Variants in CSNK1D observed in about 807,000 individuals in gnomAD.
The protein encoded by CSNK1D is casein kinase 1 delta.
Under a neutral mutation model 46.6 loss-of-function variants are expected in CSNK1D, and 16 were observed. That is an observed-to-expected ratio of 0.34 (90% CI 0.23 to 0.52). The LOEUF (loss-of-function observed/expected upper bound fraction) is 0.52, where lower values mean the gene tolerates loss of function less well. CSNK1D is among the 20% of genes least tolerant of loss of function. CSNK1D has a pLI of 0.95. For synonymous variants in CSNK1D, 276 were observed against 228.2 expected (o/e 1.21, Z -1.89); for missense variants, 398 against 578.4 (o/e 0.69, Z 3.20).
At chr17:82,245,261 A>G (rs2050820723) in intron 8 of CSNK1D, 3 of 323,110 alleles carry the variant, frequency 9.3e-6, no homozygotes, top group South Asian at 8.5e-5. Context: ...CACAGACCCG[A>G]CAGAAGCGCA....
downstream of CSNK1D, chr17:82,239,719 G>A (rs895443341): frequency 1.3e-5 from 5 of 373,792 alleles, no homozygotes; most frequent in South Asian, 1.5e-4. Flanking sequence ...GTGGTTAGAT[G>A]GGAGCTGAGG....
Position 82,251,710 on chromosome 17 carries a change from G to A in CSNK1D, c.737-183C>T, listed in dbSNP as rs2051013629. ...AGCATCGAAAAGTATTCAAGTCACGGCCGGGTGCGGCGGCTCACGCCTGTC... is the reference window on the plus strand; with the variant it reads ...AGCATCGAAAAGTATTCAAGTCACGACCGGGTGCGGCGGCTCACGCCTGTC... On this transcript the variant is annotated intron_variant, in intron 5 of 8. Coordinates refer to ENST00000314028, the MANE Select transcript of CSNK1D (RefSeq NM_001893.6). The surrounding 1 kb of genome is among the most constrained non-coding windows in gnomAD (Gnocchi z 4.5). 5 of 713,738 alleles carry A rather than the reference G, an allele frequency of 7.0e-6. No homozygotes were observed. In the South Asian group the frequency reaches 7.7e-5, roughly 11 times the overall value. The allele number at this position is 713,738 out of a possible 1,614,324, so 44.2% of individuals were successfully genotyped here. A position where few individuals can be genotyped will look rare whatever the true frequency, so the allele number is the denominator to read the frequency against.
Position 82,273,233 on chromosome 17 carries a change from C to T in CSNK1D, c.76+73G>A, listed in dbSNP as rs1052635633. ...CCCCGCGGGGGCCACCACTTCCTTC[C>T]GCGATCGCGCTTGGTCTTGGCAGCC... On this transcript the variant is annotated intron_variant, in intron 1 of 8. Transcript: ENST00000314028. This position sits in a 1 kb window ranked among gnomAD's most constrained non-coding sequence, Gnocchi z 5.1. The T allele has an allele frequency of 2.0e-5, 30 of 1,469,434 alleles. 1 individual carries two copies. The South Asian group carries it at 2.9e-4, about 14-fold the overall frequency. 91.0% of individuals were successfully genotyped at this position (1,469,434 alleles called of 1,614,324 possible). A position where few individuals can be genotyped will look rare whatever the true frequency, so the allele number is the denominator to read the frequency against.
At position 82,249,792 on chromosome 17, in the gene CSNK1D, G is replaced by C; in HGVS notation, c.886-190C>G. Reference sequence around the variant, plus strand: ...AGCATCATCCCCACAAGGGGTCAGAGCCAGGCCTCTCAGCTCCCCCAACAA... The same window carrying C: ...AGCATCATCCCCACAAGGGGTCAGACCCAGGCCTCTCAGCTCCCCCAACAA... On this transcript the variant is annotated intron_variant, in intron 6 of 8. Coordinates refer to ENST00000314028, the MANE Select transcript of CSNK1D (RefSeq NM_001893.6). The surrounding 1 kb of genome is among the most constrained non-coding windows in gnomAD (Gnocchi z 6.7). The C allele has an allele frequency of 6.9e-7, 1 of 1,446,964 alleles. No individual in the cohort carries two copies. The highest frequency in any genetic ancestry group is 9.1e-7 in the Non-Finnish European group (1 of 1,103,924). The allele number at this position is 1,446,964 out of a possible 1,614,324, so 89.6% of individuals were successfully genotyped here.
In CSNK1D at chr17:82,270,049, G is replaced by GGT. The variant is rs1419162997; in HGVS notation, c.76+3255_76+3256dup. 3.9e-5 allele frequency among the ~76,000 whole-genome samples: 6 copies of GGT among 152,360 alleles called. No individual in the cohort carries two copies. The South Asian group carries it at 1.2e-3, about 32-fold the overall frequency. On this transcript the variant is annotated intron_variant, in intron 1 of 8. Coordinates refer to ENST00000314028, the MANE Select transcript of CSNK1D (RefSeq NM_001893.6). ...AGGCTGCCAAGGTGTGCGCTCCACA[G>GGT]GTGTGTGTGGGCTGTGTCACCTTCC...
intron 2 of CSNK1D, among the ~76,000 whole-genome samples, chr17:82,261,373 C>G (rs2051335367): frequency 6.6e-6 from 1 of 152,130 alleles, no homozygotes; most frequent in South Asian, 2.1e-4. Context: ...CAACACTTTT[C>G]CCTCATGGTG....
At chr17:82,242,453 C>A (rs1385341627), downstream of CSNK1D, among the ~76,000 whole-genome samples, 1 of 152,142 alleles carries the variant, frequency 6.6e-6, no homozygotes, top group African/African-American at 2.4e-5. Flanking sequence ...CACAACAGAG[C>A]CCAAGGGGGC....
chr17:82,252,283 C>T lies in CSNK1D; in HGVS notation c.736+151G>A, dbSNP rs878994136. The stretch of plus-strand genomic sequence containing the variant: ...GAACAGGAGGGCAGGCTGTTACCTC[C>T]ATACACAAAAGCGCCCCGCTTTCCT... On this transcript the variant is annotated intron_variant, in intron 5 of 8. Coordinates refer to ENST00000314028, the MANE Select transcript of CSNK1D (RefSeq NM_001893.6). The surrounding 1 kb of genome is among the most constrained non-coding windows in gnomAD (Gnocchi z 4.6). 3.6e-5 allele frequency: 31 copies of T among 873,130 alleles called. No individual in the cohort carries two copies. The South Asian group carries it at 3.6e-4, about 10-fold the overall frequency. 54.1% of individuals were successfully genotyped at this position (873,130 alleles called of 1,614,324 possible).
intron 8 of CSNK1D, chr17:82,246,538 G>A (rs1294264505): frequency 9.4e-7 from 1 of 1,066,104 alleles, no homozygotes; most frequent in Non-Finnish European, 1.1e-6. Context: ...ATGGCCTTTA[G>A]GGCCCAGGCT....
At chr17:82,270,274 G>C (rs975885962) in intron 1 of CSNK1D, among the ~76,000 whole-genome samples, 2 of 152,198 alleles carry the variant, frequency 1.3e-5, no homozygotes, top group Admixed American at 1.3e-4. Flanking sequence ...TGTCACAGCA[G>C]GGTCGGGGCA....
At chr17:82,246,859 TG>T in intron 8 of CSNK1D, 1 of 985,904 alleles carries the variant, frequency 1.0e-6, no homozygotes, top group Non-Finnish European at 1.2e-6. Flanking sequence ...CTGCCCACGG[TG>T]ACTGTGTCTC....
intron 2 of CSNK1D, among the ~76,000 whole-genome samples, chr17:82,264,797 CTT>C (rs528693963): frequency 2.9e-4 from 39 of 133,294 alleles, no homozygotes; most frequent in Middle Eastern, 3.9e-3. Context: ...CACACAAAAT[CTT>C]TTTTTTTTTT....
chr17:82,259,332 C>G (rs116887606), intron 2 of CSNK1D, among the ~76,000 whole-genome samples: 67 of 152,242 alleles, frequency 4.4e-4, no homozygotes, highest in African/African-American at 1.5e-3. Flanking sequence ...GTTCTGAGAT[C>G]CCTATTTAGG....
At chr17:82,239,575 C>G (rs966194324), downstream of CSNK1D, 1 of 197,676 alleles carries the variant, frequency 5.1e-6, no homozygotes, top group Non-Finnish European at 1.0e-5. Context: ...GTGGCTCTGT[C>G]CTCGCCAGCT....
chr17:82,272,887 C>T, intron 1 of CSNK1D, among the ~76,000 whole-genome samples: 1 of 150,280 alleles, frequency 6.7e-6, no homozygotes, highest in Non-Finnish European at 1.5e-5. Flanking sequence ...TACCCCCTCC[C>T]CTCCCACGGC....
intron 8 of CSNK1D, chr17:82,247,662 G>C (rs2050884893): frequency 1.0e-6 from 1 of 985,428 alleles, no homozygotes; most frequent in East Asian, 1.1e-4. Context: ...CCAGGCTCGT[G>C]GAAAGAAGCC....
chr17:82,244,343 G>T lies in CSNK1D; in HGVS notation c.*438C>A. On this transcript the variant is annotated 3_prime_UTR_variant, in exon 9 of 9. Transcript: ENST00000314028. ...TTTGTAAGACTGCAAAAACAGACAAGAAACAATAAAAAGACAGATTTTCTT... is the reference window on the plus strand; with the variant it reads ...TTTGTAAGACTGCAAAAACAGACAATAAACAATAAAAAGACAGATTTTCTT... 2 of 1,104,938 alleles carry T rather than the reference G, an allele frequency of 1.8e-6. No homozygotes were observed. Among genetic ancestry groups the T allele is most frequent in the Non-Finnish European group, 2.2e-6 (2 of 898,494 alleles). 68.4% of individuals were successfully genotyped at this position (1,104,938 alleles called of 1,614,324 possible).
intron 1 of CSNK1D, among the ~76,000 whole-genome samples, chr17:82,267,989 T>A (rs1053125979): frequency 6.6e-6 from 1 of 152,228 alleles, no homozygotes; most frequent in Admixed American, 6.5e-5. Flanking sequence ...CACCAGCCGC[T>A]CTGGCACACA....
chr17:82,273,069 C>T lies in CSNK1D; in HGVS notation c.76+237G>A, dbSNP rs540565514. ...TCCCCTCCTTCCCCAACCCTCCCCT[C>T]TCCAGACCCTGCTCCCCCGACCTGG... On this transcript the variant is annotated intron_variant, in intron 1 of 8. Transcript: ENST00000314028. The surrounding 1 kb of genome is among the most constrained non-coding windows in gnomAD (Gnocchi z 5.1). 7 of 483,806 alleles carry T rather than the reference C, an allele frequency of 1.4e-5. No homozygotes were observed. The highest frequency in any genetic ancestry group is 4.3e-5 in the African/African-American group (2 of 46,722). The allele number at this position is 483,806 out of a possible 1,614,324, so 30.0% of individuals were successfully genotyped here. A position where few individuals can be genotyped will look rare whatever the true frequency, so the allele number is the denominator to read the frequency against.
Sources: allele counts gnomAD v4.1 joint callset (sites outside exome capture counted in the v4.1 genomes callset), GRCh38; gene constraint gnomAD v4.1.1; non-coding constraint Gnocchi (gnomAD v3.1); transcripts MANE v1.5; gene names NCBI Gene and HGNC (gene_info 2026-07-23, HGNC 2026-07-21).